ADAP2: variants seen among roughly 807,000 people sequenced by gnomAD.
ADAP2 encodes the protein arf-GAP with dual PH domain-containing protein 2.
In ADAP2, 42 loss-of-function variants were observed where a neutral mutation model predicts 54.9. The observed-to-expected ratio is 0.77, with a 90% CI of 0.60 to 0.99. The LOEUF is 0.99. Among genes scored for constraint, ADAP2 ranks in the 50% least tolerant of loss-of-function variants. The pLI, the probability that ADAP2 is intolerant of heterozygous loss-of-function variation, is 0.00. For synonymous variants in ADAP2, 177 were observed against 180.1 expected, an observed-to-expected ratio of 0.98 and a Z score of 0.14; for missense variants, 429 against 480.4, an observed-to-expected ratio of 0.89 and a Z score of 1.00.
intron 1 of ADAP2, 129 bp from the exon 2 acceptor site, chr17:30,922,811 G>A (rs1910735082): frequency 4.6e-6 from 5 of 1,084,340 alleles, no homozygotes; most frequent in Middle Eastern, 3.1e-4. Flanking sequence ...ACCAGAAGGT[G>A]CCAGGCTGGC....
intron 3 of ADAP2, among the ~76,000 whole-genome samples, chr17:30,931,512 C>T (rs1032810352): frequency 2.0e-5 from 3 of 152,146 alleles, no homozygotes; most frequent in Non-Finnish European, 4.4e-5. Context: ...GTGATGTTCC[C>T]ACCCTCAACT....
intron 3 of ADAP2, among the ~76,000 whole-genome samples, chr17:30,930,805 C>T (rs1229257312): frequency 6.6e-6 from 1 of 152,210 alleles, no homozygotes; most frequent in African/African-American, 2.4e-5. Context: ...ATTAAAATAA[C>T]TCCACTCTCG....
At chr17:30,927,184 ATCTCTATGATTTT>A (rs1192359744) in intron 3 of ADAP2, among the ~76,000 whole-genome samples, 1 of 151,882 alleles carries the variant, frequency 6.6e-6, no homozygotes, top group Non-Finnish European at 1.5e-5. Context: ...TTTCTGTATG[ATCTCTATGATTTT>A]TCTCTATGAT....
intron 3 of ADAP2, among the ~76,000 whole-genome samples, chr17:30,928,270 C>A (rs967049979): frequency 6.7e-6 from 1 of 148,362 alleles, no homozygotes; most frequent in Non-Finnish European, 1.5e-5. Context: ...CCGAGGCGGG[C>A]GGATCACTCG....
chr17:30,929,972 C>A (rs1366765155), intron 3 of ADAP2, among the ~76,000 whole-genome samples: 2 of 152,126 alleles, frequency 1.3e-5, no homozygotes, highest in African/African-American at 2.4e-5. Context: ...CTGTGTTGGC[C>A]TCCCAAAGTG....
intron 6 of ADAP2, among the ~76,000 whole-genome samples, chr17:30,949,061 G>A (rs935920385): frequency 2.0e-5 from 3 of 152,188 alleles, no homozygotes; most frequent in African/African-American, 7.2e-5. Flanking sequence ...CCTTTTCCAG[G>A]GCTCTGGGGT....
At chr17:30,925,754 C>A (rs1911015188) in intron 2 of ADAP2, among the ~76,000 whole-genome samples, 1 of 151,760 alleles carries the variant, frequency 6.6e-6, no homozygotes, top group African/African-American at 2.4e-5. Flanking sequence ...CACCACCATA[C>A]CTGGCTAATT....
chr17:30,951,692 T>G (rs1428851543), intron 7 of ADAP2, among the ~76,000 whole-genome samples: 1 of 147,478 alleles, frequency 6.8e-6, no homozygotes, highest in Non-Finnish European at 1.5e-5. Context: ...GTCTCGCTCT[T>G]TCGCCCAGGC....
In ADAP2 at chr17:30,957,695, T is replaced by C; in HGVS notation, c.1112-140T>C. ...ATCCACCTGCCTCGGCCTCCCAAAG[T>C]GCTGGGATTACAGGCATGAGCCACT... On this transcript the variant is annotated intron_variant, in intron 10 of 10. Transcript: ENST00000330889. The C allele has an allele frequency of 4.0e-6, 3 of 748,666 alleles. No individual in the cohort carries two copies. The East Asian group carries it at 8.3e-5, about 21-fold the overall frequency. The allele number at this position is 748,666 out of a possible 1,614,324, so 46.4% of individuals were successfully genotyped here.
At position 30,958,023 on chromosome 17, in the gene ADAP2, C is replaced by A; in HGVS notation, c.*154C>A. The A allele has an allele frequency of 1.4e-6, 1 of 740,620 alleles. No individual in the cohort carries two copies. Among genetic ancestry groups the A allele is most frequent in the Non-Finnish European group, 2.3e-6 (1 of 430,130 alleles). 45.9% of individuals were successfully genotyped at this position (740,620 alleles called of 1,614,324 possible). On this transcript the variant is annotated 3_prime_UTR_variant, in exon 11 of 11. Coordinates refer to ENST00000330889, the MANE Select transcript of ADAP2 (RefSeq NM_018404.3). ...CCAGGACTGAAGCTGTGGCTTTATCCATCAGCTCCCTGGGCCTTCCCCGCA... is the reference window on the plus strand; with the variant it reads ...CCAGGACTGAAGCTGTGGCTTTATCAATCAGCTCCCTGGGCCTTCCCCGCA...
At chr17:30,951,994 A>C (rs987317946) in intron 7 of ADAP2, among the ~76,000 whole-genome samples, 4 of 151,972 alleles carry the variant, frequency 2.6e-5, no homozygotes, top group African/African-American at 9.7e-5. Flanking sequence ...CCCCCTTTTA[A>C]ACTTCCCATA....
intron 4 of ADAP2, 35 bp from the exon 5 acceptor site, chr17:30,934,150 C>G (rs774415496): frequency 6.5e-7 from 1 of 1,545,030 alleles, no homozygotes; most frequent in African/African-American, 1.4e-5. Context: ...CTTAAGGTCA[C>G]GTGTGTTCAC....
intron 6 of ADAP2, among the ~76,000 whole-genome samples, chr17:30,947,661 C>T (rs752227829): frequency 1.6e-4 from 24 of 152,264 alleles, no homozygotes; most frequent in Non-Finnish European, 2.2e-4. Flanking sequence ...CCAGAGGGTC[C>T]TTAATGAACC....
At chr17:30,952,253 G>A (rs1234416038) in intron 7 of ADAP2, among the ~76,000 whole-genome samples, 1 of 152,214 alleles carries the variant, frequency 6.6e-6, no homozygotes, top group Non-Finnish European at 1.5e-5. Context: ...AAGGCCTCGA[G>A]AGACAGAAGG....
chr17:30,937,084 T>C (rs1319183096), intron 5 of ADAP2, among the ~76,000 whole-genome samples: 1 of 149,604 alleles, frequency 6.7e-6, no homozygotes, highest in East Asian at 2.0e-4. Flanking sequence ...CGCACCACCA[T>C]GCCTGGCTAG....
intron 5 of ADAP2, among the ~76,000 whole-genome samples, chr17:30,941,463 C>G (rs1912263140): frequency 6.6e-6 from 1 of 152,312 alleles, no homozygotes; most frequent in African/African-American, 2.4e-5. Context: ...CCAAGCTTCA[C>G]CATAAATGTT....
chr17:30,929,730 T>G (rs1911335308), intron 3 of ADAP2, among the ~76,000 whole-genome samples: 1 of 152,128 alleles, frequency 6.6e-6, no homozygotes, highest in South Asian at 2.1e-4. Context: ...AAGGTTTCAC[T>G]CTGTTGCCCA....
chr17:30,935,495 C>G (rs777332211), intron 5 of ADAP2, among the ~76,000 whole-genome samples: 1 of 152,102 alleles, frequency 6.6e-6, no homozygotes. Context: ...GAGCAGATAA[C>G]TGAACAAATG....
In ADAP2 at chr17:30,955,552, C is replaced by T. The variant is rs767425318; in HGVS notation, c.883-689C>T. 4.0e-5 allele frequency among the ~76,000 whole-genome samples: 6 copies of T among 151,720 alleles called. No homozygotes were observed. The South Asian group carries it at 8.3e-4, about 21-fold the overall frequency. ...TGAAACCCTGTCTCTACTAAAAATA[C>T]AAAAATTAGCCGGACGTGGTGGTGC... On this transcript the variant is annotated intron_variant, in intron 9 of 10. Transcript: ENST00000330889.
Sources: allele counts gnomAD v4.1 joint callset (sites outside exome capture counted in the v4.1 genomes callset), GRCh38; gene constraint gnomAD v4.1.1; transcripts MANE v1.5; gene names NCBI Gene and HGNC (gene_info 2026-07-23, HGNC 2026-07-21).